The following PRKAG3 variants were observed in gnomAD, a reference collection of about 807,000 sequenced individuals.
PRKAG3 encodes the protein protein kinase AMP-activated non-catalytic subunit gamma 3, also known as 5'-AMP-activated protein kinase subunit gamma-3.
Under a neutral mutation model 56.5 loss-of-function variants are expected in PRKAG3, and 39 were observed. The ratio of observed to expected loss-of-function variants is 0.69; its 90% CI spans 0.53 to 0.90. The LOEUF (loss-of-function observed/expected upper bound fraction) is 0.90, where lower values mean the gene tolerates loss of function less well. PRKAG3 is among the 40% of genes least tolerant of loss of function. PRKAG3 has a pLI of 0.00. For missense variants in PRKAG3, 628 were observed against 627.5 expected (o/e 1.00, Z -0.01); for synonymous variants, 243 against 250.1 (o/e 0.97, Z 0.27).
At chr2:218,830,462 A>G in intron 3 of PRKAG3, 81 bp from the exon 4 acceptor site, 1 of 1,512,438 alleles carries the variant, frequency 6.6e-7, no homozygotes, top group South Asian at 1.3e-5. Context: ...TTCATCTCAC[A>G]GCAGCAGTGG....
intron 10 of PRKAG3, 116 bp downstream of exon 10, chr2:218,826,812 T>C: frequency 7.3e-7 from 1 of 1,361,580 alleles, no homozygotes; most frequent in East Asian, 2.4e-5. Flanking sequence ...TAATCCCCAG[T>C]CCATCCTGTA....
rs1943948846 is a variant in PRKAG3, at chr2:218,827,376, G to A, written c.876-3C>T. The A allele has an allele frequency of 6.2e-7, 1 of 1,613,992 alleles. No individual in the cohort carries two copies. The highest frequency in any genetic ancestry group is 1.3e-5 in the African/African-American group (1 of 74,930). ...GGGTGTAGACAGCTTCAAACAGGCTGCAGAGATGGGAGCAGTGAGCCTCGG... is the reference window on the plus strand; with the variant it reads ...GGGTGTAGACAGCTTCAAACAGGCTACAGAGATGGGAGCAGTGAGCCTCGG... On this transcript the variant is annotated splice_polypyrimidine_tract_variant and splice_region_variant and intron_variant, in intron 8 of 12. Transcript: ENST00000529249. This position sits in a 1 kb window ranked among gnomAD's most constrained non-coding sequence, Gnocchi z 5.3.
At chr2:218,823,681 G>T (rs1013243414) in exon 13 of PRKAG3, 55 of 1,605,636 alleles carry the variant, frequency 3.4e-5, no homozygotes, top group Non-Finnish European at 4.3e-5. Context: ...GGGGGTGGGG[G>T]AAGATGAAGG....
chr2:218,824,667 T>C (rs891684382), intron 10 of PRKAG3, 91 bp from the exon 11 acceptor site: 1 of 1,186,730 alleles, frequency 8.4e-7, no homozygotes, highest in African/African-American at 1.5e-5. Flanking sequence ...CCTAGGGCTA[T>C]TTGCATCAGG....
At position 218,827,455 on chromosome 2, in the gene PRKAG3, G is replaced by A. The variant is rs1943950400; in HGVS notation, c.876-82C>T. 2 of 1,606,572 alleles carry A rather than the reference G, an allele frequency of 1.2e-6. No individual in the cohort carries two copies. The highest frequency in any genetic ancestry group is 1.3e-5 in the African/African-American group (1 of 74,824). On this transcript the variant is annotated intron_variant, in intron 8 of 12. Transcript: ENST00000529249. This position sits in a 1 kb window ranked among gnomAD's most constrained non-coding sequence, Gnocchi z 5.3. ...CCAGGCCCCTAAAAAGGAGGGCAGG[G>A]CACCAAGGCTCCCTTGTCTGTGTGC...
chr2:218,827,719 G>A lies in PRKAG3; in HGVS notation c.821-90C>T, dbSNP rs1943956018. The A allele has an allele frequency of 6.4e-7, 1 of 1,563,876 alleles. No homozygotes were observed. Among genetic ancestry groups the A allele is most frequent in the Non-Finnish European group, 8.8e-7 (1 of 1,134,838 alleles). ...AGCTTCCCTTCCGTCAGGCACCCGA[G>A]GCTCCTATTGTCCCTCCCCTGTTCA... On this transcript the variant is annotated intron_variant, in intron 7 of 12. Transcript: ENST00000529249. This position sits in a 1 kb window ranked among gnomAD's most constrained non-coding sequence, Gnocchi z 5.3.
rs766172309 is a variant in PRKAG3 at position 218,827,297 on chromosome 2, C to T, written c.952G>A (p.Val318Ile). 1.3e-5 allele frequency: 21 copies of T among 1,614,052 alleles called. No individual in the cohort carries two copies. The highest frequency in any genetic ancestry group is 6.7e-5 in the Admixed American group (4 of 60,000). Reference sequence around the variant, plus strand: ...CGTTTGTGTGTGAGGATGTGGAGTACGTTGCCTGACACCGGGTCAAGAACA... The same window carrying T: ...CGTTTGTGTGTGAGGATGTGGAGTATGTTGCCTGACACCGGGTCAAGAACA... Residue 318 changes from valine (V) to isoleucine (I), a missense_variant, in exon 9 of 13, where the codon GTA becomes ATA. Coordinates refer to ENST00000529249, the Ensembl canonical transcript of PRKAG3. The surrounding 1 kb of genome is among the most constrained non-coding windows in gnomAD (Gnocchi z 5.3).
At chr2:218,831,197 A>G (rs1575213717) in intron 2 of PRKAG3, 139 bp downstream of exon 2, 3 of 735,608 alleles carry the variant, frequency 4.1e-6, no homozygotes, top group East Asian at 5.4e-5. Flanking sequence ...ACCTGGGGAA[A>G]GGAGGAAGAA....
intron 3 of PRKAG3, 90 bp downstream of exon 3, chr2:218,830,656 G>A (rs1944007636): frequency 1.4e-6 from 2 of 1,467,876 alleles, no homozygotes; most frequent in Non-Finnish European, 1.8e-6. Flanking sequence ...CTGTGTTATG[G>A]AGGGACCTGA....
intron 12 of PRKAG3, 110 bp downstream of exon 12, chr2:218,824,112 C>T: frequency 6.4e-7 from 1 of 1,556,902 alleles, no homozygotes; most frequent in South Asian, 1.1e-5. Context: ...AGGAGTTGGT[C>T]ATGAAATGGA....
intron 4 of PRKAG3, among the ~76,000 whole-genome samples, chr2:218,829,063 G>T (rs1406128234): frequency 6.6e-6 from 1 of 151,974 alleles, no homozygotes; most frequent in Non-Finnish European, 1.5e-5. Flanking sequence ...GCACATGCTG[G>T]TTATATTTTT....
At position 218,824,375 on chromosome 2, in the gene PRKAG3, CAG is replaced by C; in HGVS notation, c.1207-9_1207-8del. 1.2e-6 allele frequency: 2 copies of C among 1,614,086 alleles called. No homozygotes were observed. The highest frequency in any genetic ancestry group is 1.7e-6 in the Non-Finnish European group (2 of 1,179,994). Reference sequence around the variant, plus strand: ...TTTGCTGGGCAGCCAGGTGCTGGGGCAGAGAGAGAAGTATGGCTCCTAGTCAC... The same window carrying C: ...TTTGCTGGGCAGCCAGGTGCTGGGGCAGAGAGAAGTATGGCTCCTAGTCAC... On this transcript the variant is annotated splice_polypyrimidine_tract_variant and splice_region_variant and intron_variant, in intron 11 of 12. Coordinates refer to ENST00000529249, the Ensembl canonical transcript of PRKAG3.
In PRKAG3 at chr2:218,827,937, C is replaced by T. The variant is rs1422215854; in HGVS notation, c.775-59G>A. 1.9e-6 allele frequency: 3 copies of T among 1,610,270 alleles called. No individual in the cohort carries two copies. The highest frequency in any genetic ancestry group is 2.5e-6 in the Non-Finnish European group (3 of 1,177,624). On this transcript the variant is annotated intron_variant, in intron 6 of 12. Coordinates refer to ENST00000529249, the Ensembl canonical transcript of PRKAG3. This position sits in a 1 kb window ranked among gnomAD's most constrained non-coding sequence, Gnocchi z 5.3. ...AGACGTGGGCTTCTAGGGCACCAGG[C>T]TCCAGGAGGACTCCCCTCCGCCCCC... is the stretch of plus-strand genomic sequence containing the variant.
intron 10 of PRKAG3, among the ~76,000 whole-genome samples, chr2:218,825,590 G>A (rs559229662): frequency 7.0e-6 from 1 of 142,192 alleles, no homozygotes; most frequent in Admixed American, 6.8e-5. Flanking sequence ...AGAGGTTGCA[G>A]TGAGCCGAGA....
chr2:218,829,622 G>A (rs531730353), intron 4 of PRKAG3, among the ~76,000 whole-genome samples: 1 of 152,048 alleles, frequency 6.6e-6, no homozygotes, highest in Admixed American at 6.5e-5. Flanking sequence ...CACCGTGCCC[G>A]GCCTCTGCAA....
chr2:218,829,829 C>T, intron 4 of PRKAG3, 149 bp downstream of exon 4: 1 of 872,484 alleles, frequency 1.1e-6, no homozygotes, highest in Non-Finnish European at 1.8e-6. Context: ...GTCCCTCCCC[C>T]AACTGGCCTC....
intron 12 of PRKAG3, 110 bp from the exon 13 acceptor site, chr2:218,823,988 C>T (rs111529908): frequency 4.1e-5 from 52 of 1,262,862 alleles, no homozygotes; most frequent in African/African-American, 2.5e-4. Context: ...AGGGAGAGAG[C>T]GTCTCCTAGA....
chr2:218,831,268 C>A (rs1277553637), intron 2 of PRKAG3, 68 bp downstream of exon 2: 8 of 1,252,738 alleles, frequency 6.4e-6, no homozygotes, highest in Non-Finnish European at 8.9e-6. Context: ...GAATTGGGGT[C>A]CCAGAAAAGT....
At chr2:218,822,782 C>A (rs1291985721), downstream of PRKAG3, 7 of 708,140 alleles carry the variant, frequency 9.9e-6, no homozygotes, top group African/African-American at 2.0e-5. Flanking sequence ...TTGCTGGGAA[C>A]AACAGCTGGG....
Sources: gnomAD v4.1 joint callset for allele counts (sites outside exome capture counted in the v4.1 genomes callset) on GRCh38, gnomAD v4.1.1 for gene constraint, Gnocchi (gnomAD v3.1) non-coding constraint, MANE v1.5 for transcripts, NCBI Gene and HGNC (gene_info 2026-07-23, HGNC 2026-07-21) for gene names.